The following CDK8 variants were observed in gnomAD, a reference collection of about 807,000 sequenced individuals.
CDK8 encodes cyclin dependent kinase 8.
Under a neutral mutation model 71.5 loss-of-function variants are expected in CDK8, and 29 were observed. The observed-to-expected ratio is 0.41, with a 90% CI of 0.30 to 0.55. The LOEUF (loss-of-function observed/expected upper bound fraction) is 0.55. CDK8 is among the 20% of genes least tolerant of loss of function. The pLI, the probability that CDK8 is intolerant of heterozygous loss-of-function variation, is 0.37. For synonymous variants in CDK8, 161 were observed against 192.1 expected (o/e 0.84, Z 1.34); for missense variants, 288 against 572.6 (o/e 0.50, Z 5.07).
At chr13:26,304,717 A>T (rs1328278726) in intron 1 of CDK8, among the ~76,000 whole-genome samples, 1 of 151,990 alleles carries the variant, frequency 6.6e-6, no homozygotes, top group African/African-American at 2.4e-5. Flanking sequence ...GTTCACTGTA[A>T]ACTTGAAATC....
chr13:26,279,724 A>G (rs1752877885), intron 1 of CDK8, among the ~76,000 whole-genome samples: 1 of 152,212 alleles, frequency 6.6e-6, no homozygotes, highest in Admixed American at 6.5e-5. Context: ...AACTCATACA[A>G]AAGACATTTT....
At position 26,271,806 on chromosome 13, in the gene CDK8, C is replaced by CTTTTTTTTTTTTTT. The variant is rs58160694; in HGVS notation, c.128+17060_128+17073dup. Among the ~76,000 whole-genome samples the CTTTTTTTTTTTTTT allele has an allele frequency of 1.1e-4, 7 of 62,684 alleles. 2 individuals are homozygous for CTTTTTTTTTTTTTT. The highest frequency in any genetic ancestry group is 6.1e-4 in the African/African-American group (7 of 11,532). The allele number at this position is 62,684 out of a possible 152,430, so 41.1% of individuals were successfully genotyped here. On this transcript the variant is annotated intron_variant, in intron 1 of 12. Coordinates refer to ENST00000381527, the MANE Select transcript of CDK8 (RefSeq NM_001260.3). ...CCTGGGGGACAGAGTGAGACCCTGTCTTTTTTTTTTTTTTTTTTTTTTTTT... is the reference window on the plus strand; with the variant it reads ...CCTGGGGGACAGAGTGAGACCCTGTCTTTTTTTTTTTTTTTTTTTTTTTTTTTTTTTTTTTTTTT...
At chr13:26,324,895 A>G (rs1175703) in intron 1 of CDK8, 297,078 of 327,702 alleles carry the variant, frequency 0.91, 135,484 homozygotes, top group East Asian at 1. Flanking sequence ...GAAACAGACA[A>G]GAAAAGACCA....
At chr13:26,267,757 G>A (rs887528031) in intron 1 of CDK8, among the ~76,000 whole-genome samples, 1 of 152,158 alleles carries the variant, frequency 6.6e-6, no homozygotes, top group Non-Finnish European at 1.5e-5. Context: ...TGCAATAAAT[G>A]TCCTTTGCGT....
At position 26,330,309 on chromosome 13, in the gene CDK8, G is replaced by A. The variant is rs187204440; in HGVS notation, c.129-7258G>A. ...CAACCTCCGTCTCCTGGGTTCGAGT[G>A]ATCCTCCTGCTTCGGCCTCCCTAGT... On this transcript the variant is annotated intron_variant, in intron 1 of 12. Coordinates refer to ENST00000381527, the MANE Select transcript of CDK8 (RefSeq NM_001260.3). Among the ~76,000 whole-genome samples, 7 of 152,234 alleles carry A rather than the reference G, an allele frequency of 4.6e-5. No homozygotes were observed. The East Asian group carries it at 1.2e-3, about 25-fold the overall frequency.
At chr13:26,348,337 G>C (rs533446690) in intron 2 of CDK8, among the ~76,000 whole-genome samples, 1 of 152,226 alleles carries the variant, frequency 6.6e-6, no homozygotes, top group East Asian at 1.9e-4. Context: ...GTTAGGAATT[G>C]GGCCGTACAG....
At chr13:26,257,739 G>A (rs1400148462) in intron 1 of CDK8, among the ~76,000 whole-genome samples, 20 of 152,140 alleles carry the variant, frequency 1.3e-4, no homozygotes, top group Admixed American at 1.3e-3. Context: ...TTCAATATTT[G>A]CACTGAATGT....
At chr13:26,348,311 G>C (rs1462307868) in intron 2 of CDK8, among the ~76,000 whole-genome samples, 1 of 152,144 alleles carries the variant, frequency 6.6e-6, no homozygotes, top group Non-Finnish European at 1.5e-5. Context: ...AGGGGTCCCT[G>C]CGTCAGCACC....
Position 26,396,453 on chromosome 13 carries a change from TTACTC to T in CDK8, c.860+102_860+106del, listed in dbSNP as rs778244637. On this transcript the variant is annotated intron_variant, in intron 8 of 12. Transcript: ENST00000381527. ...ACATAATAAAATACTCAATATAAGA[TTACTC>T]TAATAAATAATTTTACTTATTTACT... 952 of 406,324 alleles carry T rather than the reference TTACTC, an allele frequency of 2.3e-3. 4 individuals are homozygous for T. The highest frequency in any genetic ancestry group is 1.8e-3 in the Non-Finnish European group (397 of 224,982). 25.2% of individuals were successfully genotyped at this position (406,324 alleles called of 1,614,324 possible). A position where few individuals can be genotyped will look rare whatever the true frequency, so the allele number is the denominator to read the frequency against.
In CDK8 at chr13:26,328,775, T is replaced by G. The variant is rs375103551; in HGVS notation, c.129-8792T>G. Among the ~76,000 whole-genome samples the G allele has an allele frequency of 2.0e-4, 31 of 152,342 alleles. No individual in the cohort carries two copies. In the East Asian group the frequency reaches 4.8e-3, roughly 24 times the overall value. ...GGAATTTGGTAGACCCTTCCAGTTT[T>G]GGAAATTATGTCTTTCAATTTGGAA... On this transcript the variant is annotated intron_variant, in intron 1 of 12. Coordinates refer to ENST00000381527, the MANE Select transcript of CDK8 (RefSeq NM_001260.3).
At chr13:26,374,043 A>T (rs4479090) in intron 4 of CDK8, among the ~76,000 whole-genome samples, 61,553 of 111,768 alleles carry the variant, frequency 0.55, 19,287 homozygotes, top group African/African-American at 0.67. Context: ...AAAAACAAAA[A>T]ACAAAAAATT....
intron 1 of CDK8, among the ~76,000 whole-genome samples, chr13:26,273,936 T>C (rs150032793): frequency 8.6e-4 from 131 of 152,302 alleles, no homozygotes; most frequent in African/African-American, 3.0e-3. Flanking sequence ...TTTTGAAACC[T>C]GCATAGACTG....
At chr13:26,289,134 A>C (rs1233524824) in intron 1 of CDK8, among the ~76,000 whole-genome samples, 2 of 140,920 alleles carry the variant, frequency 1.4e-5, no homozygotes, top group Non-Finnish European at 3.0e-5. Flanking sequence ...GGCTTACTGC[A>C]ACCTCTGCCT....
chr13:26,317,033 A>G (rs1874541997), intron 1 of CDK8, among the ~76,000 whole-genome samples: 2 of 152,196 alleles, frequency 1.3e-5, no homozygotes, highest in Admixed American at 1.3e-4. Context: ...CTAAAGGACA[A>G]TGGAAATGGT....
At chr13:26,329,112 T>A (rs1176640655) in intron 1 of CDK8, among the ~76,000 whole-genome samples, 1 of 152,204 alleles carries the variant, frequency 6.6e-6, no homozygotes, top group Non-Finnish European at 1.5e-5. Context: ...AGTCTCAGTT[T>A]TTATACTTAT....
intron 1 of CDK8, among the ~76,000 whole-genome samples, chr13:26,313,445 A>G (rs1874378273): frequency 6.6e-6 from 1 of 152,250 alleles, no homozygotes. Flanking sequence ...AGGGGCTATC[A>G]TTAACATAAA....
rs1036054939 is a variant in CDK8 at position 26,353,985 on chromosome 13, T to C, written c.456+105T>C. On this transcript the variant is annotated intron_variant, in intron 4 of 12. Transcript: ENST00000381527. ...GCTATATGTAGGCCTGCAAACCTTA[T>C]AGAAGTAGTGAGAATGCTACCTTCT... is the stretch of plus-strand genomic sequence containing the variant. The C allele has an allele frequency of 1.2e-5, 11 of 951,798 alleles. No individual in the cohort carries two copies. In the African/African-American group the frequency reaches 1.5e-4, roughly 13 times the overall value. 59.0% of individuals were successfully genotyped at this position (951,798 alleles called of 1,614,324 possible).
chr13:26,383,961 A>G (rs558200605), intron 5 of CDK8, among the ~76,000 whole-genome samples: 1 of 152,296 alleles, frequency 6.6e-6, no homozygotes, highest in South Asian at 2.1e-4. Context: ...TCTCCAGTCC[A>G]TTTTTGCGGC....
At chr13:26,328,518 G>A (rs1875130686) in intron 1 of CDK8, among the ~76,000 whole-genome samples, 1 of 152,150 alleles carries the variant, frequency 6.6e-6, no homozygotes, top group South Asian at 2.1e-4. Context: ...TGTTGACAAT[G>A]TAATCAGTAT....
Sources: allele counts gnomAD v4.1 joint callset (sites outside exome capture counted in the v4.1 genomes callset), GRCh38; gene constraint gnomAD v4.1.1; transcripts MANE v1.5; gene names NCBI Gene and HGNC (gene_info 2026-07-23, HGNC 2026-07-21).